Variants in VSIG10L observed in about 807,000 individuals in gnomAD.
VSIG10L encodes V-set and immunoglobulin domain containing 10 like, also known as V-set and immunoglobulin domain-containing protein 10-like.
VSIG10L carries 63 observed loss-of-function variants against 67.3 expected under a neutral mutation model. The observed-to-expected ratio is 0.94, with a 90% CI of 0.76 to 1.15. The LOEUF is 1.15. VSIG10L is among the 50% of genes most tolerant of loss of function. The pLI is 0.00. For synonymous variants in VSIG10L, 499 were observed against 524.9 expected, an observed-to-expected ratio of 0.95 and a Z score of 0.67; for missense variants, 1,050 against 1,177.5, an observed-to-expected ratio of 0.89 and a Z score of 1.58.
chr19:51,337,436 G>A lies in VSIG10L; in HGVS notation c.2107C>T (p.Gln703Ter). The A allele has an allele frequency of 6.4e-7, 1 of 1,551,700 alleles. No homozygotes were observed. ...RGALISSFEIQAWPDGPALGR... is the reference protein window; with the variant it reads ...RGALISSFEI The stretch of plus-strand genomic sequence containing the variant: ...AGAGCAGGCCCATCTGGCCATGCCT[G>A]GATCTCAAAACTGCTGATCAGGGCC... Residue 703 changes from glutamine to a stop codon, truncating the protein, a stop_gained, in exon 7 of 10, where the codon CAG becomes TAG. Transcript: ENST00000335624. LOFTEE classifies it high-confidence loss of function.
In VSIG10L at chr19:51,341,905, A is replaced by C. The variant is rs1005505711; in HGVS notation, c.143T>G (p.Leu48Arg). 6.4e-7 allele frequency: 1 copy of C among 1,551,714 alleles called. No homozygotes were observed. The highest frequency in any genetic ancestry group is 8.7e-7 in the Non-Finnish European group (1 of 1,146,996). Residue 48 changes from leucine (L) to arginine (R), a missense_variant, in exon 2 of 10, where the codon CTG becomes CGG. Leu to Arg is a moderately radical substitution (Grantham distance 102, BLOSUM62 -2). Around this residue, in one of 3 missense-constraint regions of VSIG10L, gnomAD observed 511 missense variants for 557.9 expected, o/e 0.92. Transcript: ENST00000335624. Reference sequence around the variant, plus strand: ...TTTGATGGAGGGAACTTCCACACCCAGCCCCTGGGAAGAGCTCTTTGAGTC... The same window carrying C: ...TTTGATGGAGGGAACTTCCACACCCCGCCCCTGGGAAGAGCTCTTTGAGTC... Reference protein sequence around the residue: ...SSDSKSSSQGLGVEVPSIKPP... With the variant: ...SSDSKSSSQGRGVEVPSIKPP...
At position 51,340,036 on chromosome 19, in the gene VSIG10L, G is replaced by A. The variant is rs1985586482; in HGVS notation, c.1453C>T (p.Leu485=). ...TCACCCGCCACTGTAAGGTTGAGCA[G>A]CGAGCGGCGGCGGCGGCCGGTACGC... is the stretch of plus-strand genomic sequence containing the variant. ...NPRTGRRRRS[L]LNLTVADLPP... The change falls in exon 4 of 10, where the codon CTG becomes TTG. Residue 485 remains leucine (L), a synonymous_variant. Coordinates refer to ENST00000335624, the MANE Select transcript of VSIG10L (RefSeq NM_001163922.3). This position sits in a 1 kb window ranked among gnomAD's most constrained non-coding sequence, Gnocchi z 6.3. The A allele has an allele frequency of 1.4e-6, 2 of 1,437,416 alleles. No individual in the cohort carries two copies. Among genetic ancestry groups the A allele is most frequent in the South Asian group, 2.7e-5 (2 of 73,716 alleles). The allele number at this position is 1,437,416 out of a possible 1,614,324, so 89.0% of individuals were successfully genotyped here.
chr19:51,338,518 GGGTCTTGCCACACTGCCCAGGCT>G (rs1985544561), intron 5 of VSIG10L, among the ~76,000 whole-genome samples: 1 of 152,058 alleles, frequency 6.6e-6, no homozygotes, highest in Non-Finnish European at 1.5e-5. Flanking sequence ...TTACAAGACT[GGGTCTTGCCACACTGCCCAGGCT>G]GGTCTTGAAC....
At position 51,338,052 on chromosome 19, in the gene VSIG10L, C is replaced by T; in HGVS notation, c.1886G>A (p.Arg629Gln). ...GAGTTTCCGCCCATCTTGACTGAGC[C>T]GCAGGCGACTCCCGCCTCCTGGAGC... ...PLAPGGGSRL[R>Q]LSQDGRKLHI... The change falls in exon 6 of 10, where the codon CGG (arginine) becomes CAG (glutamine). Residue 629 changes from arginine to glutamine, a missense_variant. By Grantham distance (43) the Arg-to-Gln change is conservative. This residue lies in a region of VSIG10L where 529 missense variants were observed against 584.9 expected (regional missense o/e 0.90). Transcript: ENST00000335624. 1.9e-6 allele frequency: 3 copies of T among 1,551,602 alleles called. No homozygotes were observed. Among genetic ancestry groups the T allele is most frequent in the Non-Finnish European group, 2.6e-6 (3 of 1,146,958 alleles).
Position 51,340,272 on chromosome 19 carries a change from A to G in VSIG10L, c.1217T>C (p.Val406Ala). The G allele has an allele frequency of 6.6e-7, 1 of 1,518,522 alleles. No individual in the cohort carries two copies. Among genetic ancestry groups the G allele is most frequent in the Non-Finnish European group, 8.8e-7 (1 of 1,139,954 alleles). 94.1% of individuals were successfully genotyped at this position (1,518,522 alleles called of 1,614,324 possible). A position where few individuals can be genotyped will look rare whatever the true frequency, so the allele number is the denominator to read the frequency against. Residue 406 changes from valine (V) to alanine (A), a missense_variant, in exon 4 of 10, where the codon GTC (valine) becomes GCC (alanine). Coordinates refer to ENST00000335624, the MANE Select transcript of VSIG10L (RefSeq NM_001163922.3). This position sits in a 1 kb window ranked among gnomAD's most constrained non-coding sequence, Gnocchi z 6.3. The stretch of plus-strand genomic sequence containing the variant: ...AGGCGCGGCGTCGCGGTCCGAGGAG[A>G]CCGTGATGGTCGGCGGGTCCGGGCC... ...FYGPDPPTIT[V>A]SSDRDAAPAR... is the part of the protein sequence containing the mutation.
At chr19:51,341,060 A>C (rs889028536) in intron 2 of VSIG10L, 93 bp downstream of exon 2, 16 of 1,421,578 alleles carry the variant, frequency 1.1e-5, no homozygotes, top group Admixed American at 6.0e-5. Flanking sequence ...CTCTTCTCCT[A>C]TCCAGGGACC....
intron 7 of VSIG10L, 60 bp downstream of exon 7, chr19:51,337,178 C>A (rs1599833256): frequency 2.7e-6 from 4 of 1,487,100 alleles, no homozygotes; most frequent in Middle Eastern, 4.9e-4. Context: ...GACACTAAAA[C>A]AGGGAGACAC....
At chr19:51,336,234 C>T (rs1985475410) in intron 7 of VSIG10L, among the ~76,000 whole-genome samples, 1 of 152,046 alleles carries the variant, frequency 6.6e-6, no homozygotes, top group African/African-American at 2.4e-5. Context: ...AGGGTGGACC[C>T]TAATCCAATA....
At chr19:51,333,022 A>G (rs1985395192) in intron 9 of VSIG10L, among the ~76,000 whole-genome samples, 1 of 151,894 alleles carries the variant, frequency 6.6e-6, no homozygotes, top group South Asian at 2.1e-4. Context: ...ACTAATTTTA[A>G]AATTTTTTGT....
chr19:51,341,911 T>A lies in VSIG10L; in HGVS notation c.137A>T (p.Gln46Leu), dbSNP rs1438844592. The A allele has an allele frequency of 2.6e-6, 4 of 1,551,512 alleles. No individual in the cohort carries two copies. In the Admixed American group the frequency reaches 5.9e-5, roughly 23 times the overall value. ...GGAGGGAACTTCCACACCCAGCCCC[T>A]GGGAAGAGCTCTTTGAGTCTGAAGA... Reference protein sequence around the residue: ...AFSSDSKSSSQGLGVEVPSIK... With the variant: ...AFSSDSKSSSLGLGVEVPSIK... Residue 46 changes from glutamine (Q) to leucine (L), a missense_variant, in exon 2 of 10, where the codon CAG (glutamine) becomes CTG (leucine). Around this residue, in one of 3 missense-constraint regions of VSIG10L, gnomAD observed 511 missense variants for 557.9 expected, o/e 0.92. Coordinates refer to ENST00000335624, the MANE Select transcript of VSIG10L (RefSeq NM_001163922.3).
chr19:51,332,529 T>G lies in VSIG10L; in HGVS notation c.*82A>C. On this transcript the variant is annotated 3_prime_UTR_variant, in exon 10 of 10. Coordinates refer to ENST00000335624, the MANE Select transcript of VSIG10L (RefSeq NM_001163922.3). The stretch of plus-strand genomic sequence containing the variant: ...GCTGCTGGAGTGAAATAGGAAGTTC[T>G]GGCCCAAAACGCCCTGTGCAGGGCA... 6.7e-7 allele frequency: 1 copy of G among 1,502,342 alleles called. No homozygotes were observed. 93.1% of individuals were successfully genotyped at this position (1,502,342 alleles called of 1,614,324 possible).
chr19:51,334,426 C>A, intron 7 of VSIG10L, 122 bp from the exon 8 acceptor site: 1 of 749,020 alleles, frequency 1.3e-6, no homozygotes, highest in Non-Finnish European at 2.1e-6. Context: ...CCTCCCCTCC[C>A]AGAACCCAGG....
Position 51,341,380 on chromosome 19 carries a change from A to G in VSIG10L, c.668T>C (p.Leu223Pro), listed in dbSNP as rs1161474491. The change falls in exon 2 of 10, where the codon CTG (leucine) becomes CCG (proline). Residue 223 changes from leucine to proline, a missense_variant. Leu to Pro is a moderately conservative substitution (Grantham distance 98, BLOSUM62 -3). Coordinates refer to ENST00000335624, the MANE Select transcript of VSIG10L (RefSeq NM_001163922.3). The part of the protein sequence containing the change: ...PIPNPGPPTS[L>P]VVWRRGSKVL... The stretch of plus-strand genomic sequence containing the variant: ...CTTTGAGCCCCGGCGCCAGACCACC[A>G]GAGAGGTGGGGGGCCCAGGGTTGGG... The G allele has an allele frequency of 6.5e-7, 1 of 1,538,454 alleles. No homozygotes were observed.
rs1985385503 is a variant in VSIG10L at position 51,332,620 on chromosome 19, C to A, written c.2595G>T (p.Leu865Phe). The A allele has an allele frequency of 6.7e-7, 1 of 1,484,934 alleles. No homozygotes were observed. The highest frequency in any genetic ancestry group is 1.9e-5 in the African/African-American group (1 of 51,910). The allele number at this position is 1,484,934 out of a possible 1,614,324, so 92.0% of individuals were successfully genotyped here. ...GTCTTTGAGCCTCCGCCTACAGAGA[C>A]AACTGAACTGGGGTCTGTGCCTGGA... ...RAYQAQTPVQ[L>F]SL Residue 865 changes from leucine to phenylalanine, a missense_variant, in exon 10 of 10, where the codon TTG becomes TTT. Around this residue, in one of 3 missense-constraint regions of VSIG10L, gnomAD observed 529 missense variants for 584.9 expected, o/e 0.90. Transcript: ENST00000335624.
chr19:51,337,711 C>T (rs1032591171), intron 6 of VSIG10L, among the ~76,000 whole-genome samples, 177 bp from the exon 7 acceptor site: 1 of 142,362 alleles, frequency 7.0e-6, no homozygotes, highest in Admixed American at 7.0e-5. Flanking sequence ...GGGCTGGTGA[C>T]CTGGACTCCT....
At position 51,337,519 on chromosome 19, in the gene VSIG10L, G is replaced by A. The variant is rs1347555469; in HGVS notation, c.2024C>T (p.Ser675Leu). The A allele has an allele frequency of 3.9e-6, 6 of 1,541,644 alleles. No homozygotes were observed. The highest frequency in any genetic ancestry group is 5.3e-6 in the Non-Finnish European group (6 of 1,139,806). Residue 675 changes from serine to leucine, a missense_variant, in exon 7 of 10, where the codon TCG (serine) becomes TTG (leucine). Physicochemically the swap from Ser to Leu is moderately radical, Grantham distance 145. Coordinates refer to ENST00000335624, the MANE Select transcript of VSIG10L (RefSeq NM_001163922.3). ...ATCTCTGGCTCTCTGAAGCCTCCAC[G>A]AGGATATGGAGGGTCCTAGAGGGAT... is the stretch of plus-strand genomic sequence containing the variant. ...QITLIGPSIS[S>L]WRLQRARDAA...
rs1158717502 is a variant in VSIG10L, at chr19:51,332,259, G to A, written c.*352C>T. ...ACAGGTGGCAAAGTGAATGTAAGGG[G>A]ACCTTTTCAGAGAACATGGCCAAGC... On this transcript the variant is annotated 3_prime_UTR_variant, in exon 10 of 10. Transcript: ENST00000335624. The A allele has an allele frequency of 1.0e-5, 4 of 391,004 alleles. No individual in the cohort carries two copies. Among genetic ancestry groups the A allele is most frequent in the South Asian group, 4.4e-5 (2 of 45,976 alleles). 24.2% of individuals were successfully genotyped at this position (391,004 alleles called of 1,614,324 possible). A position where few individuals can be genotyped will look rare whatever the true frequency, so the allele number is the denominator to read the frequency against.
chr19:51,337,912 T>A lies in VSIG10L; in HGVS notation c.2008+18A>T. On this transcript the variant is annotated intron_variant, in intron 6 of 9. Coordinates refer to ENST00000335624, the MANE Select transcript of VSIG10L (RefSeq NM_001163922.3). ...TGGGGACGTGGACTTCAGGGTTTTT[T>A]GAAATAACGTGGCTCACCAATGAGG... 1 of 1,528,152 alleles carries A rather than the reference T, an allele frequency of 6.5e-7. No homozygotes were observed. The highest frequency in any genetic ancestry group is 8.8e-7 in the Non-Finnish European group (1 of 1,133,602). 94.7% of individuals were successfully genotyped at this position (1,528,152 alleles called of 1,614,324 possible).
At position 51,340,423 on chromosome 19, in the gene VSIG10L, C is replaced by T. The variant is rs148937058; in HGVS notation, c.1189+10G>A. On this transcript the variant is annotated intron_variant, in intron 3 of 9. Transcript: ENST00000335624. This position sits in a 1 kb window ranked among gnomAD's most constrained non-coding sequence, Gnocchi z 6.3. ...CCCCCTGTCCCCGACCCGAGGCATC[C>T]CCCACTCACAGAAGACGCTGACGTC... The T allele has an allele frequency of 7.0e-4, 1,041 of 1,478,474 alleles. 8 individuals are homozygous for T. The African/African-American group carries it at 0.012, about 17-fold the overall frequency. The allele number at this position is 1,478,474 out of a possible 1,614,324, so 91.6% of individuals were successfully genotyped here.
Sources: gnomAD v4.1 joint callset for allele counts (sites outside exome capture counted in the v4.1 genomes callset) on GRCh38, gnomAD v4.1.1 for gene constraint, gnomAD v4.1.1 regional missense constraint, Gnocchi (gnomAD v3.1) non-coding constraint, MANE v1.5 for transcripts, NCBI Gene and HGNC (gene_info 2026-07-23, HGNC 2026-07-21) for gene names.